SLC25A41: variants seen among roughly 807,000 people sequenced by gnomAD.
SLC25A41 encodes the protein mitochondrial carrier protein SCaMC-3L.
Under a neutral mutation model 34.7 loss-of-function variants are expected in SLC25A41, and 35 were observed. That is an observed-to-expected ratio of 1.01 (90% confidence interval 0.77 to 1.34). SLC25A41 has a LOEUF of 1.34. SLC25A41 is among the 40% of genes most tolerant of loss of function. The probability of loss-of-function intolerance (pLI) is 0.00; values close to 1 mark genes in which losing one functional copy is unlikely to be tolerated. For missense variants in SLC25A41, 492 were observed against 489.8 expected, an observed-to-expected ratio of 1.00 and a Z score of -0.04; for synonymous variants, 190 against 209.9, an observed-to-expected ratio of 0.91 and a Z score of 0.82.
At position 6,427,001 on chromosome 19, in the gene SLC25A41, A is replaced by G. The variant is rs2092244885; in HGVS notation, c.940+102T>C. 5 of 1,326,234 alleles carry G rather than the reference A, an allele frequency of 3.8e-6. No homozygotes were observed. Among genetic ancestry groups the G allele is most frequent in the Non-Finnish European group, 1.0e-6 (1 of 972,146 alleles). The allele number at this position is 1,326,234 out of a possible 1,614,324, so 82.2% of individuals were successfully genotyped here. ...GTTATCAAAAGTGGGCTGGGATCAG[A>G]CACGGAGGGTGCCGGACTCAGTTTT... On this transcript the variant is annotated intron_variant, in intron 6 of 6. Coordinates refer to ENST00000321510, the MANE Select transcript of SLC25A41 (RefSeq NM_173637.4). This position sits in a 1 kb window ranked among gnomAD's most constrained non-coding sequence, Gnocchi z 4.9.
chr19:6,431,594 C>T (rs546863691), intron 2 of SLC25A41, among the ~76,000 whole-genome samples: 3 of 152,162 alleles, frequency 2.0e-5, no homozygotes, highest in African/African-American at 7.2e-5. Flanking sequence ...CACGCACCAC[C>T]ATGCCCGACT....
chr19:6,434,180 T>C (rs888645926), upstream of SLC25A41, among the ~76,000 whole-genome samples: 2 of 152,086 alleles, frequency 1.3e-5, no homozygotes, highest in Non-Finnish European at 2.9e-5. Context: ...CCTGACCTCA[T>C]GATCTGCCCA....
intron 4 of SLC25A41, among the ~76,000 whole-genome samples, chr19:6,428,484 T>G (rs1044024112): frequency 7.5e-5 from 11 of 147,590 alleles, no homozygotes; most frequent in African/African-American, 2.5e-4. Flanking sequence ...TGTATACATA[T>G]ATATAGTATA....
chr19:6,428,023 A>G (rs942697054), intron 4 of SLC25A41, among the ~76,000 whole-genome samples: 4 of 152,136 alleles, frequency 2.6e-5, no homozygotes, highest in Non-Finnish European at 5.9e-5. Context: ...TAGGTAGAAA[A>G]CAGGGCCTTC....
At chr19:6,429,004 AG>A (rs1244024119) in intron 4 of SLC25A41, among the ~76,000 whole-genome samples, 5 of 108,556 alleles carry the variant, frequency 4.6e-5, no homozygotes, top group African/African-American at 1.7e-4. Flanking sequence ...GCATGAGCCA[AG>A]GTGTCTGGCC....
Position 6,427,165 on chromosome 19 carries a change from G to A in SLC25A41, c.878C>T (p.Thr293Met), listed in dbSNP as rs1203045826. The A allele has an allele frequency of 6.2e-7, 1 of 1,611,606 alleles. No individual in the cohort carries two copies. The highest frequency in any genetic ancestry group is 1.3e-5 in the African/African-American group (1 of 75,038). ...GTAGCTGGCCATCTGGCCACAGGTCGTGGATAGCGTCACAGACGACAGACT... is the reference window on the plus strand; with the variant it reads ...GTAGCTGGCCATCTGGCCACAGGTCATGGATAGCGTCACAGACGACAGACT... ...LVSLSSVTLSTTCGQMASYPL... is the reference protein window; with the variant it reads ...LVSLSSVTLSMTCGQMASYPL... Residue 293 changes from threonine to methionine, a missense_variant, in exon 6 of 7, where the codon ACG becomes ATG. Coordinates refer to ENST00000321510, the MANE Select transcript of SLC25A41 (RefSeq NM_173637.4). The surrounding 1 kb of genome is among the most constrained non-coding windows in gnomAD (Gnocchi z 4.9).
intron 2 of SLC25A41, among the ~76,000 whole-genome samples, 159 bp downstream of exon 2, chr19:6,431,890 C>T (rs2092286903): frequency 6.6e-6 from 1 of 152,112 alleles, no homozygotes. Flanking sequence ...CCAGCTCTAT[C>T]ACCATCCACA....
intron 4 of SLC25A41, 79 bp downstream of exon 4, chr19:6,429,645 G>A: frequency 9.9e-7 from 1 of 1,010,708 alleles, no homozygotes; most frequent in Non-Finnish European, 1.4e-6. Context: ...GGAGAAAGGA[G>A]GAAGAGGAAG....
chr19:6,427,173 C>A lies in SLC25A41; in HGVS notation c.870G>T (p.Thr290=). Residue 290 remains threonine, a synonymous_variant, in exon 6 of 7, where the codon ACG becomes ACT. Coordinates refer to ENST00000321510, the MANE Select transcript of SLC25A41 (RefSeq NM_173637.4). The surrounding 1 kb of genome is among the most constrained non-coding windows in gnomAD (Gnocchi z 4.9). ...PSGLVSLSSV[T]LSTTCGQMAS... is the part of the protein sequence containing the mutation. ...CCATCTGGCCACAGGTCGTGGATAGCGTCACAGACGACAGACTGACCAGGC... is the reference window on the plus strand; with the variant it reads ...CCATCTGGCCACAGGTCGTGGATAGAGTCACAGACGACAGACTGACCAGGC... 6.2e-7 allele frequency: 1 copy of A among 1,611,884 alleles called. No individual in the cohort carries two copies.
intron 1 of SLC25A41, among the ~76,000 whole-genome samples, chr19:6,433,001 G>A (rs553632234): frequency 1.2e-4 from 18 of 152,010 alleles, no homozygotes; most frequent in Admixed American, 5.3e-4. Context: ...TACTCATGGA[G>A]GATCCAAGGA....
intron 2 of SLC25A41, among the ~76,000 whole-genome samples, chr19:6,431,798 A>AC (rs2092286526): frequency 6.6e-6 from 1 of 150,732 alleles, no homozygotes; most frequent in Admixed American, 6.6e-5. Context: ...CTGACCTCCA[A>AC]CCCCCACCTT....
intron 4 of SLC25A41, among the ~76,000 whole-genome samples, chr19:6,428,306 G>A (rs1403812071): frequency 1.3e-5 from 2 of 151,258 alleles, no homozygotes; most frequent in Non-Finnish European, 2.9e-5. Context: ...AATCCCAGCA[G>A]GAGAATCGCT....
At chr19:6,430,232 C>T in intron 2 of SLC25A41, 71 bp from the exon 3 acceptor site, 1 of 1,489,270 alleles carries the variant, frequency 6.7e-7, no homozygotes, top group South Asian at 1.4e-5. Flanking sequence ...GCCCCAAGCG[C>T]AGCCCCACCG....
At position 6,427,486 on chromosome 19, in the gene SLC25A41, A is replaced by G. The variant is rs773882834; in HGVS notation, c.640T>C (p.Leu214=). ...INPMEVLKTR[L]TLRRTGQYKG... is the part of the protein sequence containing the mutation. ...TACTGGCCCGTCCGACGCAAGGTCA[A>G]CCGCGTCTTCAGCACCTGAGGATGG... The change falls in exon 5 of 7, where the codon TTG becomes CTG. Residue 214 remains leucine (L), a synonymous_variant. Transcript: ENST00000321510. The surrounding 1 kb of genome is among the most constrained non-coding windows in gnomAD (Gnocchi z 4.9). The G allele has an allele frequency of 6.5e-6, 10 of 1,549,268 alleles. No homozygotes were observed. The African/African-American group carries it at 6.8e-5, about 11-fold the overall frequency.
At chr19:6,429,166 T>TATA (rs2092267607) in intron 4 of SLC25A41, among the ~76,000 whole-genome samples, 2 of 34,530 alleles carry the variant, frequency 5.8e-5, no homozygotes, top group African/African-American at 3.0e-4. Context: ...ATATATATAA[T>TATA]ATATATATAA....
chr19:6,434,004 C>A (rs1048575444), upstream of SLC25A41, among the ~76,000 whole-genome samples: 1 of 152,122 alleles, frequency 6.6e-6, no homozygotes, highest in Non-Finnish European at 1.5e-5. Flanking sequence ...AGTGCAGTGG[C>A]GCTATCTTGG....
In SLC25A41 at chr19:6,429,042, ATATATATTATATATATGT is replaced by A. The variant is rs1413500366; in HGVS notation, c.624+664_624+681del. ...GAAAATTTATATATATATATATAAT[ATATATATTATATATATGT>A]TATATATATATATAATATATATATT... On this transcript the variant is annotated intron_variant, in intron 4 of 6. Coordinates refer to ENST00000321510, the MANE Select transcript of SLC25A41 (RefSeq NM_173637.4). Among the ~76,000 whole-genome samples the A allele has an allele frequency of 5.8e-4, 31 of 53,648 alleles. 5 individuals are homozygous for A. The highest frequency in any genetic ancestry group is 2.8e-3 in the African/African-American group (25 of 8,796). The allele number at this position is 53,648 out of a possible 152,430, so 35.2% of individuals were successfully genotyped here. A position where few individuals can be genotyped will look rare whatever the true frequency, so the allele number is the denominator to read the frequency against.
intron 4 of SLC25A41, among the ~76,000 whole-genome samples, chr19:6,428,314 G>A (rs910468040): frequency 9.9e-5 from 15 of 150,822 alleles, no homozygotes; most frequent in African/African-American, 2.7e-4. Context: ...CAGGAGAATC[G>A]CTTGAACCCA....
chr19:6,433,868 A>C (rs2092296681), upstream of SLC25A41: 1 of 495,480 alleles, frequency 2.0e-6, no homozygotes. Flanking sequence ...CCTTCCCCCA[A>C]GTATCCACCT....
Sources: allele counts gnomAD v4.1 joint callset (sites outside exome capture counted in the v4.1 genomes callset), GRCh38; gene constraint gnomAD v4.1.1; non-coding constraint Gnocchi (gnomAD v3.1); transcripts MANE v1.5; gene names NCBI Gene and HGNC (gene_info 2026-07-23, HGNC 2026-07-21).